The following CRTC2 variants were observed in gnomAD, a reference collection of about 807,000 sequenced individuals.
CRTC2 encodes the protein CREB regulated transcription coactivator 2, also known as CREB-regulated transcription coactivator 2.
A neutral mutation model predicts 70.9 loss-of-function variants in CRTC2; 25 were observed. That is an observed-to-expected ratio of 0.35 (90% CI 0.26 to 0.49). The LOEUF is 0.49. Among genes scored for constraint, CRTC2 ranks in the 20% least tolerant of loss-of-function variants. The pLI is 0.98. For synonymous variants in CRTC2, 330 were observed against 364.1 expected (o/e 0.91, Z 1.07); for missense variants, 737 against 882.6 (o/e 0.83, Z 2.09).
At position 153,952,936 on chromosome 1, in the gene CRTC2, C is replaced by A. The variant is rs570639573; in HGVS notation, c.608-102G>T. 9.1e-6 allele frequency: 13 copies of A among 1,434,758 alleles called. No homozygotes were observed. In the East Asian group the frequency reaches 3.0e-4, roughly 33 times the overall value. The allele number at this position is 1,434,758 out of a possible 1,614,324, so 88.9% of individuals were successfully genotyped here. On this transcript the variant is annotated intron_variant, in intron 6 of 13. Transcript: ENST00000368633. ...TGGTGGCTCATGCCTGTAATCCCAG[C>A]ACTTTGGGAGGCCGAGGCAGGTGGA...
chr1:153,951,726 T>G, intron 10 of CRTC2, 60 bp from the exon 11 acceptor site: 8 of 1,557,586 alleles, frequency 5.1e-6, no homozygotes, highest in African/African-American at 1.4e-5. Context: ...TGAGCCCCTT[T>G]CCACCCAGAA....
rs1331169654 is a variant in CRTC2, at chr1:153,953,649, G to A, written c.435-43C>T. 3.4e-6 allele frequency: 5 copies of A among 1,456,528 alleles called. No homozygotes were observed. In the Admixed American group the frequency reaches 9.1e-5, roughly 27 times the overall value. 90.2% of individuals were successfully genotyped at this position (1,456,528 alleles called of 1,614,324 possible). A position where few individuals can be genotyped will look rare whatever the true frequency, so the allele number is the denominator to read the frequency against. Reference sequence around the variant, plus strand: ...AGTCATGAGGAGGAAGGCTGGCAGTGGACAAGAAGGTGGGCATAGGGGTTG... The same window carrying A: ...AGTCATGAGGAGGAAGGCTGGCAGTAGACAAGAAGGTGGGCATAGGGGTTG... On this transcript the variant is annotated intron_variant, in intron 4 of 13. Transcript: ENST00000368633.
rs1557873880 is a variant in CRTC2 at position 153,958,548 on chromosome 1, C to A, written c.-51G>T. On this transcript the variant is annotated 5_prime_UTR_variant, in exon 1 of 14. Coordinates refer to ENST00000368633, the MANE Select transcript of CRTC2 (RefSeq NM_181715.3). The stretch of plus-strand genomic sequence containing the variant: ...CCCTCCCAGTACCAGCCGCGGCCTC[C>A]GCCGCGGCCTCGGCCCGGCTCCTCC... 1.1e-5 allele frequency: 16 copies of A among 1,507,300 alleles called. No homozygotes were observed. The highest frequency in any genetic ancestry group is 1.4e-5 in the Non-Finnish European group (16 of 1,121,770). The allele number at this position is 1,507,300 out of a possible 1,614,324, so 93.4% of individuals were successfully genotyped here. A position where few individuals can be genotyped will look rare whatever the true frequency, so the allele number is the denominator to read the frequency against.
chr1:153,954,158 T>C, intron 4 of CRTC2, 97 bp downstream of exon 4: 7 of 892,148 alleles, frequency 7.8e-6, no homozygotes, highest in Non-Finnish European at 1.1e-5. Flanking sequence ...TGTTGAAACC[T>C]TAGCCCAGTA....
intron 1 of CRTC2, among the ~76,000 whole-genome samples, chr1:153,957,587 AG>A (rs1680689759): frequency 6.6e-6 from 1 of 152,102 alleles, no homozygotes; most frequent in African/African-American, 2.4e-5. Context: ...CTCAACACAT[AG>A]AAGACCCTCC....
Position 153,951,398 on chromosome 1 carries a change from CCCAGGGGTAGAA to C in CRTC2, c.1254_1265del (p.Ser419_Gly422del). 6.2e-7 allele frequency: 1 copy of C among 1,609,348 alleles called. No individual in the cohort carries two copies. Among genetic ancestry groups the C allele is most frequent in the Non-Finnish European group, 8.5e-7 (1 of 1,177,828 alleles). On this transcript the variant is annotated inframe_deletion, in exon 11 of 14. Coordinates refer to ENST00000368633, the MANE Select transcript of CRTC2 (RefSeq NM_181715.3). ...GCACACGGCGGTGGTGGGGGGAGGCCCCAGGGGTAGAAGCAGGGTAAGAGGGGGCGCCCAAAA... is the reference window on the plus strand; with the variant it reads ...GCACACGGCGGTGGTGGGGGGAGGCCGCAGGGTAAGAGGGGGCGCCCAAAA...
rs41312716 is a variant in CRTC2, at chr1:153,947,716, T to A, written c.*393A>T. 1 of 161,942 alleles carries A rather than the reference T, an allele frequency of 6.2e-6. No homozygotes were observed. The highest frequency in any genetic ancestry group is 1.8e-4 in the East Asian group (1 of 5,616). 10.0% of individuals were successfully genotyped at this position (161,942 alleles called of 1,614,324 possible). On this transcript the variant is annotated 3_prime_UTR_variant, in exon 14 of 14. Coordinates refer to ENST00000368633, the MANE Select transcript of CRTC2 (RefSeq NM_181715.3). ...TATTAACATATAATAATATATTTAA[T>A]AAAAAATAGTATCCACTCTGGCTCT...
At chr1:153,953,108 G>A (rs1412693778) in intron 6 of CRTC2, 158 bp downstream of exon 6, 15 of 608,492 alleles carry the variant, frequency 2.5e-5, no homozygotes, top group Non-Finnish European at 3.4e-5. Flanking sequence ...GCTTGAACTC[G>A]GAGGGCGGAG....
In CRTC2 at chr1:153,952,221, A is replaced by C. The variant is rs746425362; in HGVS notation, c.794T>G (p.Leu265Arg). Reference protein sequence around the residue: ...SPDQPANVPVLPPAMNTGGSL... With the variant: ...SPDQPANVPVRPPAMNTGGSL... ...GCCCCCCGTGTTCATGGCAGGTGGG[A>C]GGACAGGCACATTGGCAGGCTGGTC... The change falls in exon 10 of 14, where the codon CTC (leucine) becomes CGC (arginine). Residue 265 changes from leucine (L) to arginine (R), a missense_variant. Coordinates refer to ENST00000368633, the MANE Select transcript of CRTC2 (RefSeq NM_181715.3). The C allele has an allele frequency of 6.2e-7, 1 of 1,612,036 alleles. No individual in the cohort carries two copies.
intron 6 of CRTC2, 91 bp downstream of exon 6, chr1:153,953,175 T>C: frequency 1.5e-6 from 1 of 662,026 alleles, no homozygotes; most frequent in Non-Finnish European, 2.3e-6. Flanking sequence ...AGAGTGAGAC[T>C]CCGTCTCAAA....
chr1:153,953,468 G>C (rs866845657), intron 5 of CRTC2, 70 bp downstream of exon 5: 3 of 1,531,086 alleles, frequency 2.0e-6, no homozygotes, highest in African/African-American at 2.7e-5. Flanking sequence ...GGAACAGGGT[G>C]GGGGTGAGGG....
chr1:153,950,135 T>C (rs973527193), intron 11 of CRTC2, among the ~76,000 whole-genome samples: 3 of 152,340 alleles, frequency 2.0e-5, no homozygotes, highest in Non-Finnish European at 4.4e-5. Flanking sequence ...TCTCACCATA[T>C]TGACCAGGCT....
intron 9 of CRTC2, 49 bp downstream of exon 9, chr1:153,952,348 C>T (rs778215662): frequency 1.9e-6 from 3 of 1,609,620 alleles, no homozygotes; most frequent in South Asian, 2.2e-5. Context: ...TCCTACATCT[C>T]CCTGTACTTC....
In CRTC2 at chr1:153,957,604, A is replaced by G. The variant is rs1680691929; in HGVS notation, c.153+741T>C. On this transcript the variant is annotated intron_variant, in intron 1 of 13. Transcript: ENST00000368633. ...CAACACATAGAAGACCCTCCAAGGC[A>G]CCCTACACACTAACCCACAAAGCAG... Among the ~76,000 whole-genome samples, 3 of 152,012 alleles carry G rather than the reference A, an allele frequency of 2.0e-5. No homozygotes were observed. In the South Asian group the frequency reaches 6.2e-4, roughly 32 times the overall value.
Position 153,952,649 on chromosome 1 carries a change from G to T in CRTC2, c.638-14C>A. The T allele has an allele frequency of 6.2e-7, 1 of 1,614,100 alleles. No homozygotes were observed. Among genetic ancestry groups the T allele is most frequent in the Non-Finnish European group, 8.5e-7 (1 of 1,179,926 alleles). ...CAATAGCAGGTACTTGAAAGAGAAA[G>T]ACTGGTGATGGGAGAGTTGGAGAAA... On this transcript the variant is annotated splice_polypyrimidine_tract_variant and intron_variant, in intron 7 of 13. Coordinates refer to ENST00000368633, the MANE Select transcript of CRTC2 (RefSeq NM_181715.3).
In CRTC2 at chr1:153,953,559, C is replaced by A. The variant is rs763177875; in HGVS notation, c.482G>T (p.Arg161Leu). ...TCACCTGTTAAGTGCAGATGGTAGTCGAAACAACTGCCCCTTCTCTGCAGG... is the reference window on the plus strand; with the variant it reads ...TCACCTGTTAAGTGCAGATGGTAGTAGAAACAACTGCCCCTTCTCTGCAGG... ...NFPAEKGQLF[R>L]LPSALNRTSS... Residue 161 changes from arginine to leucine, a missense_variant, in exon 5 of 14, where the codon CGA becomes CTA. Around this residue, in one of 3 missense-constraint regions of CRTC2, gnomAD observed 699 missense variants for 823.7 expected, o/e 0.85. Coordinates refer to ENST00000368633, the MANE Select transcript of CRTC2 (RefSeq NM_181715.3). 1.2e-6 allele frequency: 2 copies of A among 1,611,136 alleles called. No homozygotes were observed. The highest frequency in any genetic ancestry group is 1.1e-5 in the South Asian group (1 of 90,708).
Position 153,958,434 on chromosome 1 carries a change from A to G in CRTC2, c.64T>C (p.Phe22Leu), listed in dbSNP as rs1680758891. 1.2e-6 allele frequency: 2 copies of G among 1,613,232 alleles called. No homozygotes were observed. The highest frequency in any genetic ancestry group is 1.7e-5 in the Admixed American group (1 of 59,986). The change falls in exon 1 of 14, where the codon TTT becomes CTT. Residue 22 changes from phenylalanine to leucine, a missense_variant. Phe to Leu is a conservative substitution (Grantham distance 22). Coordinates refer to ENST00000368633, the MANE Select transcript of CRTC2 (RefSeq NM_181715.3). ...TTCTGCAGCGCAATCTTCTCACTAA[A>G]TTTGCGCGGATTGGAAGCCGAGGCC... ...ATASASNPRK[F>L]SEKIALQKQR...
chr1:153,949,119 C>T lies in CRTC2; in HGVS notation c.1670G>A (p.Gly557Glu). 4.4e-6 allele frequency: 7 copies of T among 1,605,984 alleles called. No individual in the cohort carries two copies. In the South Asian group the frequency reaches 5.6e-5, roughly 13 times the overall value. Reference protein sequence around the residue: ...YHRPMSDFNLGNLEQFSMESP... With the variant: ...YHRPMSDFNLENLEQFSMESP... ...GCAAGGAGCCTGAGTACTCACATTC[C>T]CCAGGTTGAAGTCACTCATTGGCCG... is the stretch of plus-strand genomic sequence containing the variant. Residue 557 changes from glycine to glutamate, a missense_variant, in exon 12 of 14, where the codon GGG becomes GAG. Transcript: ENST00000368633.
At position 153,947,944 on chromosome 1, in the gene CRTC2, G is replaced by A; in HGVS notation, c.*165C>T. 1.4e-6 allele frequency: 1 copy of A among 732,010 alleles called. No individual in the cohort carries two copies. The highest frequency in any genetic ancestry group is 2.3e-6 in the Non-Finnish European group (1 of 438,826). The allele number at this position is 732,010 out of a possible 1,614,324, so 45.3% of individuals were successfully genotyped here. ...CCCATCCCTTGCGCAGAATTCAGGG[G>A]CCACCTGGACAAACCCCTTGCTTTT... On this transcript the variant is annotated 3_prime_UTR_variant, in exon 14 of 14. Transcript: ENST00000368633.
Sources: gnomAD v4.1 joint callset for allele counts (sites outside exome capture counted in the v4.1 genomes callset) on GRCh38, gnomAD v4.1.1 for gene constraint, gnomAD v4.1.1 regional missense constraint, MANE v1.5 for transcripts, NCBI Gene and HGNC (gene_info 2026-07-23, HGNC 2026-07-21) for gene names.